Variants in SEC14L1 observed in about 807,000 individuals in gnomAD.
The protein encoded by SEC14L1 is SEC14 like lipid binding 1.
In SEC14L1, 48 loss-of-function variants were observed where a neutral mutation model predicts 85.3. That is an observed-to-expected ratio of 0.56 (90% CI 0.45 to 0.72). The LOEUF (loss-of-function observed/expected upper bound fraction) is 0.72, where lower values mean the gene tolerates loss of function less well. Ranked by LOEUF, SEC14L1 falls within the 30% of genes least tolerant of loss-of-function variation. The probability of loss-of-function intolerance (pLI) is 0.00; values close to 1 mark genes in which losing one functional copy is unlikely to be tolerated. For synonymous variants in SEC14L1, 391 were observed against 355.5 expected (o/e 1.10, Z -1.12); for missense variants, 682 against 921.4 (o/e 0.74, Z 3.36).
chr17:77,130,602 C>T (rs532891104), intron 3 of SEC14L1, among the ~76,000 whole-genome samples: 30 of 151,600 alleles, frequency 2.0e-4, no homozygotes, highest in Admixed American at 1.5e-3. Flanking sequence ...GGATGACAGG[C>T]GTGAGCCACT....
rs142595328 is a variant in SEC14L1 at position 77,129,930 on chromosome 17, C to T, written c.-135-12716C>T. ...ATTGCTGGACTTGCCAACCTAAGTC[C>T]TGATCCAGCAAAGGAAAGGGAGTGC... On this transcript the variant is annotated intron_variant, in intron 3 of 19. Transcript: ENST00000392476. Among the ~76,000 whole-genome samples, 988 of 152,240 alleles carry T rather than the reference C, an allele frequency of 6.5e-3. 3 individuals are homozygous for T. The highest frequency in any genetic ancestry group is 0.011 in the Non-Finnish European group (781 of 68,020).
intron 14 of SEC14L1, 178 bp from the exon 15 acceptor site, chr17:77,211,772 G>A: frequency 1.3e-6 from 1 of 759,194 alleles, no homozygotes; most frequent in Non-Finnish European, 2.1e-6. Flanking sequence ...GCAGGATCCA[G>A]CGGTTGAATG....
intron 7 of SEC14L1, among the ~76,000 whole-genome samples, chr17:77,195,411 C>T (rs751785422): frequency 6.6e-6 from 1 of 152,000 alleles, no homozygotes; most frequent in Non-Finnish European, 1.5e-5. Flanking sequence ...CTCCGTCTCC[C>T]GGGTTCAAGT....
intron 4 of SEC14L1, 93 bp downstream of exon 4, chr17:77,191,045 C>A: frequency 6.4e-7 from 1 of 1,551,720 alleles, no homozygotes; most frequent in Non-Finnish European, 8.8e-7. Context: ...GAGAGGGCAT[C>A]CTGGAGGGAG....
At chr17:77,179,876 A>G (rs2143732666) in intron 3 of SEC14L1, among the ~76,000 whole-genome samples, 1 of 151,748 alleles carries the variant, frequency 6.6e-6, no homozygotes, top group South Asian at 2.1e-4. Flanking sequence ...ACGGGGTTTC[A>G]CTGTGTTAGC....
intron 3 of SEC14L1, among the ~76,000 whole-genome samples, chr17:77,154,241 C>G (rs529470347): frequency 6.6e-6 from 1 of 151,950 alleles, no homozygotes; most frequent in African/African-American, 2.4e-5. Context: ...GAGGCCAAGG[C>G]GGGAGAATCA....
upstream of SEC14L1, among the ~76,000 whole-genome samples, chr17:77,138,522 G>T (rs191228404): frequency 4.2e-4 from 64 of 152,222 alleles, no homozygotes; most frequent in African/African-American, 1.5e-3. Context: ...TGAGGCAGGA[G>T]GGCAGGAGAA....
intron 3 of SEC14L1, among the ~76,000 whole-genome samples, chr17:77,177,351 A>G (rs189647496): frequency 6.7e-6 from 1 of 150,348 alleles, no homozygotes; most frequent in Non-Finnish European, 1.5e-5. Context: ...TATTTTTCTA[A>G]TTTAAATTTA....
At position 77,213,606 on chromosome 17, in the gene SEC14L1, T is replaced by G; in HGVS notation, c.2042+114T>G. 7.7e-7 allele frequency: 1 copy of G among 1,303,426 alleles called. No individual in the cohort carries two copies. The highest frequency in any genetic ancestry group is 1.1e-6 in the Non-Finnish European group (1 of 928,412). The allele number at this position is 1,303,426 out of a possible 1,614,324, so 80.7% of individuals were successfully genotyped here. On this transcript the variant is annotated intron_variant, in intron 16 of 16. Transcript: ENST00000436233. The surrounding 1 kb of genome is among the most constrained non-coding windows in gnomAD (Gnocchi z 7.1). ...AGTGGCGGCGGGTGTCAGGAATGCTTGGAGGGCCAGGAGGGAGTGGCTTTG... is the reference window on the plus strand; with the variant it reads ...AGTGGCGGCGGGTGTCAGGAATGCTGGGAGGGCCAGGAGGGAGTGGCTTTG...
intron 3 of SEC14L1, among the ~76,000 whole-genome samples, chr17:77,166,407 G>T (rs1034633026): frequency 5.3e-5 from 8 of 152,232 alleles, no homozygotes. Flanking sequence ...AGCCAGATCT[G>T]CCTCTTCTAA....
At chr17:77,200,412 G>A (rs941489650) in intron 8 of SEC14L1, 72 bp from the exon 9 acceptor site, 25 of 1,237,128 alleles carry the variant, frequency 2.0e-5, no homozygotes, top group African/African-American at 1.8e-4. Context: ...CAAGCGATCC[G>A]TCCACCGCAG....
At chr17:77,168,375 A>G (rs1239624357) in intron 3 of SEC14L1, among the ~76,000 whole-genome samples, 3 of 152,162 alleles carry the variant, frequency 2.0e-5, no homozygotes, top group Admixed American at 6.5e-5. Context: ...CTATTTGAGT[A>G]TAGAGGAGGA....
intron 3 of SEC14L1, among the ~76,000 whole-genome samples, chr17:77,117,065 A>C (rs1972185263): frequency 6.6e-6 from 1 of 152,186 alleles, no homozygotes; most frequent in Non-Finnish European, 1.5e-5. Context: ...ATGCAATGGA[A>C]GGCCGGGCGC....
chr17:77,090,348 C>T (rs535893156), intron 2 of SEC14L1, among the ~76,000 whole-genome samples: 17 of 151,166 alleles, frequency 1.1e-4, no homozygotes, highest in East Asian at 2.0e-4. Context: ...AGGAAGGGAA[C>T]GTAAGAACAT....
intron 3 of SEC14L1, among the ~76,000 whole-genome samples, chr17:77,108,041 G>A (rs1971956856): frequency 6.6e-6 from 1 of 152,072 alleles, no homozygotes; most frequent in Admixed American, 6.6e-5. Flanking sequence ...ACTGCTCCCA[G>A]CCAGTATAAA....
chr17:77,206,707 A>G lies in SEC14L1; in HGVS notation c.1342-21A>G, dbSNP rs555756768. The G allele has an allele frequency of 8.9e-6, 14 of 1,579,388 alleles. No homozygotes were observed. Among genetic ancestry groups the G allele is most frequent in the East Asian group, 2.2e-5 (1 of 44,578 alleles). Reference sequence around the variant, plus strand: ...TCAGGCAGCAGAGAAATATGACTGCATGGTCTTCTCCTCCTCACAGGTTAG... The same window carrying G: ...TCAGGCAGCAGAGAAATATGACTGCGTGGTCTTCTCCTCCTCACAGGTTAG... On this transcript the variant is annotated intron_variant, in intron 12 of 16. Coordinates refer to ENST00000436233, the MANE Select transcript of SEC14L1 (RefSeq NM_001143998.2). This position sits in a 1 kb window ranked among gnomAD's most constrained non-coding sequence, Gnocchi z 4.3.
chr17:77,124,155 G>C (rs9911073), intron 3 of SEC14L1, among the ~76,000 whole-genome samples: 8,042 of 152,184 alleles, frequency 0.053, 217 homozygotes, highest in East Asian at 0.09. Context: ...CTTGAGCCCA[G>C]GAGTTCGAGA....
intron 3 of SEC14L1, chr17:77,094,951 T>C (rs189656984): frequency 7.9e-5 from 12 of 152,316 alleles, no homozygotes; most frequent in African/African-American, 2.9e-4. Flanking sequence ...AAAAAGTGTA[T>C]ATTGACATTT....
chr17:77,139,160 AT>A (rs749541191), upstream of SEC14L1, among the ~76,000 whole-genome samples: 13,807 of 120,084 alleles, frequency 0.11, 521 homozygotes, highest in East Asian at 0.23. Flanking sequence ...GGTCAGGTGA[AT>A]TTTTTTTTTT....
Sources: allele counts gnomAD v4.1 joint callset (sites outside exome capture counted in the v4.1 genomes callset), GRCh38; gene constraint gnomAD v4.1.1; non-coding constraint Gnocchi (gnomAD v3.1); transcripts MANE v1.5; gene names NCBI Gene and HGNC (gene_info 2026-07-23, HGNC 2026-07-21).